Variants in TAPBP observed in about 807,000 individuals in gnomAD.
The protein encoded by TAPBP is tapasin.
In TAPBP, 38 loss-of-function variants were observed where a neutral mutation model predicts 45.7. That is an observed-to-expected ratio of 0.83 (90% CI 0.64 to 1.09). The LOEUF is 1.09. Ranked by LOEUF, TAPBP falls within the 50% of genes least tolerant of loss-of-function variation. TAPBP has a pLI of 0.00. For missense variants in TAPBP, 513 were observed against 587.3 expected (o/e 0.87, Z 1.31); for synonymous variants, 226 against 254.8 (o/e 0.89, Z 1.08).
Position 33,305,316 on chromosome 6 carries a change from T to TCAA in TAPBP, c.538_540dup (p.Leu180dup), listed in dbSNP as rs1768909066. Reference sequence around the variant, plus strand: ...GAGGTGGGGGGCATGTAGGCAAAGCTCAAGTCCAGCAGAGCATCTTGTCCC... The same window carrying TCAA: ...GAGGTGGGGGGCATGTAGGCAAAGCTCAACAAGTCCAGCAGAGCATCTTGTCCC... On this transcript the variant is annotated inframe_insertion, in exon 4 of 8. Coordinates refer to ENST00000434618, the MANE Select transcript of TAPBP (RefSeq NM_003190.5). The surrounding 1 kb of genome is among the most constrained non-coding windows in gnomAD (Gnocchi z 4.4). The TCAA allele has an allele frequency of 2.6e-6, 4 of 1,562,930 alleles. No individual in the cohort carries two copies. The highest frequency in any genetic ancestry group is 3.5e-6 in the Non-Finnish European group (4 of 1,155,130).
intron 4 of TAPBP, 50 bp from the exon 5 acceptor site, chr6:33,304,688 T>C: frequency 6.7e-7 from 1 of 1,497,438 alleles, no homozygotes; most frequent in South Asian, 1.3e-5. Context: ...CATACTGTCC[T>C]CCCTAAGAGA....
At chr6:33,309,378 T>G (rs771161181) in intron 3 of TAPBP, among the ~76,000 whole-genome samples, 1 of 104,566 alleles carries the variant, frequency 9.6e-6, no homozygotes, top group Non-Finnish European at 1.9e-5. Context: ...AGAGCAAAAC[T>G]TGATCTCAAA....
At position 33,313,892 on chromosome 6, in the gene TAPBP, C is replaced by A. The variant is rs768243235; in HGVS notation, c.38-28G>T. On this transcript the variant is annotated intron_variant, in intron 1 of 7. Coordinates refer to ENST00000434618, the MANE Select transcript of TAPBP (RefSeq NM_003190.5). The surrounding 1 kb of genome is among the most constrained non-coding windows in gnomAD (Gnocchi z 7.2). Reference sequence around the variant, plus strand: ...GGCGTATAGGGACGCGAGTGAGGAGCGGTTTGTATGTCTGGTGACCTGCCC... The same window carrying A: ...GGCGTATAGGGACGCGAGTGAGGAGAGGTTTGTATGTCTGGTGACCTGCCC... 5 of 1,613,194 alleles carry A rather than the reference C, an allele frequency of 3.1e-6. No homozygotes were observed. The East Asian group carries it at 1.1e-4, about 36-fold the overall frequency.
At chr6:33,308,471 C>T (rs1221578340) in intron 3 of TAPBP, among the ~76,000 whole-genome samples, 2 of 152,162 alleles carry the variant, frequency 1.3e-5, no homozygotes, top group Non-Finnish European at 2.9e-5. Context: ...AGCCCCTAAC[C>T]CACCCTTCCA....
At chr6:33,304,759 T>C (rs1336507319) in intron 4 of TAPBP, 121 bp from the exon 5 acceptor site, 3 of 1,322,692 alleles carry the variant, frequency 2.3e-6, no homozygotes, top group African/African-American at 2.9e-5. Flanking sequence ...TCTCCTGAAA[T>C]AGGGAACCCA....
In TAPBP at chr6:33,313,268, G is replaced by T; in HGVS notation, c.418C>A (p.Arg140=). 3 of 1,613,922 alleles carry T rather than the reference G, an allele frequency of 1.9e-6. No individual in the cohort carries two copies. Among genetic ancestry groups the T allele is most frequent in the Non-Finnish European group, 2.5e-6 (3 of 1,179,956 alleles). The change falls in exon 3 of 8, where the codon CGA becomes AGA. Residue 140 remains arginine (R), a synonymous_variant. Transcript: ENST00000434618. The surrounding 1 kb of genome is among the most constrained non-coding windows in gnomAD (Gnocchi z 7.2). ...TCCTGCTGAGGCTCTGGCTGTGGTC[G>T]CAAGAGGCTGGAGAGGCTGAGGACT... ...SPVLSLSSLL[R]PQPEPQQEPV... is the part of the protein sequence containing the mutation.
Position 33,305,407 on chromosome 6 carries a change from G to A in TAPBP, c.470-20C>T. The A allele has an allele frequency of 2.0e-6, 3 of 1,505,258 alleles. No homozygotes were observed. Among genetic ancestry groups the A allele is most frequent in the Non-Finnish European group, 2.7e-6 (3 of 1,128,302 alleles). 93.2% of individuals were successfully genotyped at this position (1,505,258 alleles called of 1,614,324 possible). On this transcript the variant is annotated intron_variant, in intron 3 of 7. Transcript: ENST00000434618. This position sits in a 1 kb window ranked among gnomAD's most constrained non-coding sequence, Gnocchi z 4.4. ...GTACCACTGAGGAAGACAGGGAGAT[G>A]AGGGGTTGGGAGGGGCATGAGGGAG... is the stretch of plus-strand genomic sequence containing the variant.
chr6:33,309,529 C>A (rs1469994370), intron 3 of TAPBP, among the ~76,000 whole-genome samples: 1 of 151,660 alleles, frequency 6.6e-6, no homozygotes, highest in Non-Finnish European at 1.5e-5. Flanking sequence ...CATAGCAAGA[C>A]CCCATCTCTA....
chr6:33,303,006 G>A (rs145370660), intron 7 of TAPBP, among the ~76,000 whole-genome samples: 71 of 152,212 alleles, frequency 4.7e-4, no homozygotes, highest in African/African-American at 1.6e-3. Flanking sequence ...GAGCATCGCC[G>A]ATCCAAAACT....
At position 33,313,151 on chromosome 6, in the gene TAPBP, G is replaced by T; in HGVS notation, c.469+66C>A. The T allele has an allele frequency of 6.6e-7, 1 of 1,521,756 alleles. No homozygotes were observed. Among genetic ancestry groups the T allele is most frequent in the Non-Finnish European group, 8.9e-7 (1 of 1,128,858 alleles). 94.3% of individuals were successfully genotyped at this position (1,521,756 alleles called of 1,614,324 possible). A position where few individuals can be genotyped will look rare whatever the true frequency, so the allele number is the denominator to read the frequency against. On this transcript the variant is annotated intron_variant, in intron 3 of 7. Coordinates refer to ENST00000434618, the MANE Select transcript of TAPBP (RefSeq NM_003190.5). The surrounding 1 kb of genome is among the most constrained non-coding windows in gnomAD (Gnocchi z 7.2). ...AATGTCTTGCTCAAGTCCATAAAGC[G>T]AGACCACCGGCTGATCTGGACCCTT...
At chr6:33,303,436 A>T (rs1768720822) in intron 7 of TAPBP, 1 of 242,598 alleles carries the variant, frequency 4.1e-6, no homozygotes. Context: ...GAAGGAAAAA[A>T]ATCTTCAGGC....
chr6:33,304,058 C>G (rs949862956), intron 6 of TAPBP, 69 bp from the exon 7 acceptor site: 1 of 1,611,348 alleles, frequency 6.2e-7, no homozygotes, highest in African/African-American at 1.3e-5. Flanking sequence ...GGATGGGTGT[C>G]AGGCTCTTGG....
chr6:33,305,648 T>C lies in TAPBP; in HGVS notation c.470-261A>G, dbSNP rs1005421256. ...AGGGGCAATGAGGGGGTATGGCCTT[T>C]GAAGCCTACTCTGAACACATAGCAC... On this transcript the variant is annotated intron_variant, in intron 3 of 7. Transcript: ENST00000434618. This position sits in a 1 kb window ranked among gnomAD's most constrained non-coding sequence, Gnocchi z 4.4. Among the ~76,000 whole-genome samples the C allele has an allele frequency of 4.6e-5, 7 of 152,056 alleles. No homozygotes were observed. The highest frequency in any genetic ancestry group is 1.7e-4 in the African/African-American group (7 of 41,388).
intron 3 of TAPBP, among the ~76,000 whole-genome samples, chr6:33,306,169 G>A (rs1768959771): frequency 6.6e-6 from 1 of 152,142 alleles, no homozygotes; most frequent in Admixed American, 6.5e-5. Context: ...AACACTGTCT[G>A]GAACACAGTA....
Position 33,305,362 on chromosome 6 carries a change from G to A in TAPBP, c.495C>T (p.Thr165=), listed in dbSNP as rs1427823957. The change falls in exon 4 of 8, where the codon ACC becomes ACT. Residue 165 remains threonine, a synonymous_variant. Transcript: ENST00000434618. The surrounding 1 kb of genome is among the most constrained non-coding windows in gnomAD (Gnocchi z 4.4). ...GTCCCAGTCTCACTCGAGGGGCAGG[G>A]GTGTGGGTGAGGACAGTCAGTACCA... ...ATVVLTVLTH[T]PAPRVRLGQD... is the part of the protein sequence containing the mutation. The A allele has an allele frequency of 4.6e-6, 7 of 1,533,172 alleles. No homozygotes were observed. Among genetic ancestry groups the A allele is most frequent in the Non-Finnish European group, 6.1e-6 (7 of 1,142,094 alleles). 95.0% of individuals were successfully genotyped at this position (1,533,172 alleles called of 1,614,324 possible). A position where few individuals can be genotyped will look rare whatever the true frequency, so the allele number is the denominator to read the frequency against.
chr6:33,310,245 C>T (rs1413208524), intron 3 of TAPBP, among the ~76,000 whole-genome samples: 1 of 151,820 alleles, frequency 6.6e-6, no homozygotes, highest in Non-Finnish European at 1.5e-5. Flanking sequence ...GTGGCTCACG[C>T]CTGTAATCCC....
rs886993173 is a variant in TAPBP at position 33,306,516 on chromosome 6, C to G, written c.470-1129G>C. On this transcript the variant is annotated intron_variant, in intron 3 of 7. Coordinates refer to ENST00000434618, the MANE Select transcript of TAPBP (RefSeq NM_003190.5). ...ATGTGCTATCCCCACCAGGACCTAA[C>G]AGATCTCACATCTGTTTCCAATTTA... Among the ~76,000 whole-genome samples, 4 of 152,212 alleles carry G rather than the reference C, an allele frequency of 2.6e-5. No individual in the cohort carries two copies. The East Asian group carries it at 5.8e-4, about 22-fold the overall frequency.
Position 33,313,513 on chromosome 6 carries a change from A to G in TAPBP, c.209-36T>C. ...AGAAGGAAGTTGCAGCTGTAGAGTCACCGCCGGGAAAGGGGCTGGAAGGGC... is the reference window on the plus strand; with the variant it reads ...AGAAGGAAGTTGCAGCTGTAGAGTCGCCGCCGGGAAAGGGGCTGGAAGGGC... On this transcript the variant is annotated intron_variant, in intron 2 of 7. Transcript: ENST00000434618. The surrounding 1 kb of genome is among the most constrained non-coding windows in gnomAD (Gnocchi z 7.2). The G allele has an allele frequency of 6.6e-7, 1 of 1,518,682 alleles. No individual in the cohort carries two copies. The highest frequency in any genetic ancestry group is 8.8e-7 in the Non-Finnish European group (1 of 1,130,336). The allele number at this position is 1,518,682 out of a possible 1,614,324, so 94.1% of individuals were successfully genotyped here.
rs753534022 is a variant in TAPBP at position 33,301,742 on chromosome 6, G to A, written c.*18C>T. ...GCCAGAGATGATGGTGGCTTCCACA[G>A]GATGGCAGTGAGTGCCCTCACTCTG... On this transcript the variant is annotated 3_prime_UTR_variant, in exon 8 of 8. Coordinates refer to ENST00000434618, the MANE Select transcript of TAPBP (RefSeq NM_003190.5). The A allele has an allele frequency of 5.0e-6, 8 of 1,612,440 alleles. No individual in the cohort carries two copies. The Admixed American group carries it at 1.3e-4, about 27-fold the overall frequency.
Sources: allele counts gnomAD v4.1 joint callset (sites outside exome capture counted in the v4.1 genomes callset), GRCh38; gene constraint gnomAD v4.1.1; non-coding constraint Gnocchi (gnomAD v3.1); transcripts MANE v1.5; gene names NCBI Gene and HGNC (gene_info 2026-07-23, HGNC 2026-07-21).